The following STK32B variants were observed in gnomAD, a reference collection of about 807,000 sequenced individuals.
STK32B encodes the protein serine/threonine kinase 32B, also known as serine/threonine-protein kinase 32B.
In STK32B, 43 loss-of-function variants were observed where a neutral mutation model predicts 52.6. The observed-to-expected ratio is 0.82, with a 90% CI of 0.64 to 1.05. STK32B has a LOEUF of 1.05. Ranked by LOEUF, STK32B falls within the 50% of genes least tolerant of loss-of-function variation. The pLI is 0.00. For missense variants in STK32B, 621 were observed against 534.6 expected (o/e 1.16, Z -1.59); for synonymous variants, 238 against 204.3 (o/e 1.17, Z -1.41).
intron 2 of STK32B, among the ~76,000 whole-genome samples, chr4:5,159,291 A>G (rs904131361): frequency 1.3e-5 from 2 of 151,910 alleles, no homozygotes; most frequent in African/African-American, 4.8e-5. Context: ...CACACTCTTT[A>G]AGGGACTACG....
chr4:5,088,137 G>T (rs983029789), intron 1 of STK32B, among the ~76,000 whole-genome samples: 11 of 151,918 alleles, frequency 7.2e-5, no homozygotes, highest in African/African-American at 2.7e-4. Context: ...AATAATAAAA[G>T]GAAAGCTGGA....
chr4:5,418,160 T>G (rs1712315914), intron 6 of STK32B, among the ~76,000 whole-genome samples: 1 of 152,262 alleles, frequency 6.6e-6, no homozygotes, highest in Non-Finnish European at 1.5e-5. Flanking sequence ...CCCATCACTG[T>G]GTCTTTTAAC....
intron 3 of STK32B, among the ~76,000 whole-genome samples, chr4:5,186,157 C>T (rs1176582072): frequency 6.6e-6 from 1 of 152,182 alleles, no homozygotes; most frequent in African/African-American, 2.4e-5. Flanking sequence ...GGCTCCTGTC[C>T]TCTTGGAGTT....
chr4:5,500,121 G>C lies in STK32B; in HGVS notation c.*1038G>C, dbSNP rs997858052. The C allele has an allele frequency of 5.3e-5, 8 of 152,206 alleles. No individual in the cohort carries two copies. Among genetic ancestry groups the C allele is most frequent in the Non-Finnish European group, 1.0e-4 (7 of 68,040 alleles). The allele number at this position is 152,206 out of a possible 1,614,324, so 9.4% of individuals were successfully genotyped here. ...AACTACATTCTGGTCTGCTCAGGGA[G>C]AAGCTTGCCTTTGAACTGGAAGATG... On this transcript the variant is annotated 3_prime_UTR_variant, in exon 12 of 12. Coordinates refer to ENST00000282908, the MANE Select transcript of STK32B (RefSeq NM_018401.3).
At position 5,317,181 on chromosome 4, in the gene STK32B, T is replaced by TATATATAACATATA. The variant is rs1560313099; in HGVS notation, c.261-14032_261-14031insACATATAATATATA. 7.1e-4 allele frequency among the ~76,000 whole-genome samples: 33 copies of TATATATAACATATA among 46,334 alleles called. 5 individuals are homozygous for TATATATAACATATA. Among genetic ancestry groups the TATATATAACATATA allele is most frequent in the African/African-American group, 7.0e-3 (28 of 3,996 alleles). The allele number at this position is 46,334 out of a possible 152,430, so 30.4% of individuals were successfully genotyped here. On this transcript the variant is annotated intron_variant, in intron 3 of 11. Transcript: ENST00000282908. ...TATTACATATATATAACATATAATA[T>TATATATAACATATA]ATATATATAACATATATATATTATA... is the stretch of plus-strand genomic sequence containing the variant.
intron 2 of STK32B, among the ~76,000 whole-genome samples, chr4:5,167,468 G>A (rs1323559509): frequency 2.0e-5 from 3 of 152,070 alleles, no homozygotes; most frequent in Admixed American, 6.5e-5. Context: ...TGCTCCCCCA[G>A]AACCCATGTG....
chr4:5,317,331 CATATATAATACAT>C (rs1483181380), intron 3 of STK32B, among the ~76,000 whole-genome samples: 10 of 17,122 alleles, frequency 5.8e-4, no homozygotes, highest in Non-Finnish European at 7.6e-4. Context: ...ATATATATTA[CATATATAATACAT>C]ATATATAATA....
At chr4:5,285,785 T>C (rs182871849) in intron 3 of STK32B, among the ~76,000 whole-genome samples, 2 of 152,198 alleles carry the variant, frequency 1.3e-5, no homozygotes, top group Non-Finnish European at 2.9e-5. Flanking sequence ...GAAATACAAC[T>C]CTGCATGAAA....
At chr4:5,179,528 C>T (rs538062226) in intron 3 of STK32B, among the ~76,000 whole-genome samples, 1 of 152,068 alleles carries the variant, frequency 6.6e-6, no homozygotes, top group South Asian at 2.1e-4. Context: ...ATAGATGATA[C>T]ATAAATGATA....
chr4:5,438,254 T>G lies in STK32B; in HGVS notation c.563-8419T>G, dbSNP rs116204291. ...TGCAGGGAAGGAAGTCCCTGTAGGC[T>G]GAAGCCCAGCTTCGGGCTCAGTGGT... On this transcript the variant is annotated intron_variant, in intron 6 of 11. Coordinates refer to ENST00000282908, the MANE Select transcript of STK32B (RefSeq NM_018401.3). Among the ~76,000 whole-genome samples the G allele has an allele frequency of 6.0e-3, 910 of 152,346 alleles. 6 individuals carry two copies. The highest frequency in any genetic ancestry group is 0.021 in the African/African-American group (881 of 41,578).
At chr4:5,025,173 G>C in the STK32B span, among the ~76,000 whole-genome samples, 2 of 152,214 alleles carry the variant, frequency 1.3e-5, no homozygotes, top group East Asian at 1.9e-4. Flanking sequence ...TTCTACTCGG[G>C]GCTGTTTCCC....
intron 6 of STK32B, among the ~76,000 whole-genome samples, chr4:5,431,499 T>C (rs1204813455): frequency 1.8e-5 from 2 of 112,970 alleles, no homozygotes; most frequent in East Asian, 7.1e-4. Context: ...CCATGAAAAC[T>C]TCCAAAAGTC....
At chr4:5,336,583 A>T (rs1447678531) in intron 4 of STK32B, among the ~76,000 whole-genome samples, 1 of 152,228 alleles carries the variant, frequency 6.6e-6, no homozygotes, top group East Asian at 1.9e-4. Context: ...TGGAATAAAC[A>T]TCAGTGCTCT....
At chr4:5,171,078 T>A (rs1193493221) in intron 3 of STK32B, among the ~76,000 whole-genome samples, 4 of 152,240 alleles carry the variant, frequency 2.6e-5, no homozygotes, top group Non-Finnish European at 5.9e-5. Context: ...CATTTTTTCA[T>A]GTGTTTTTTG....
At chr4:5,138,344 C>A (rs1716202065) in intron 1 of STK32B, among the ~76,000 whole-genome samples, 1 of 152,170 alleles carries the variant, frequency 6.6e-6, no homozygotes, top group Admixed American at 6.5e-5. Flanking sequence ...TTTACTTCCT[C>A]ACATCCTTGC....
At chr4:5,289,568 C>T (rs987424622) in intron 3 of STK32B, among the ~76,000 whole-genome samples, 1 of 151,800 alleles carries the variant, frequency 6.6e-6, no homozygotes, top group Non-Finnish European at 1.5e-5. Context: ...AATGTGATAA[C>T]TCTTTACACC....
chr4:5,064,113 A>T (rs1178592533), intron 1 of STK32B, among the ~76,000 whole-genome samples: 2 of 151,704 alleles, frequency 1.3e-5, no homozygotes, highest in African/African-American at 2.4e-5. Flanking sequence ...CAAGCCTTTT[A>T]TGATATCTGT....
chr4:5,142,108 GA>G (rs1716511973), intron 2 of STK32B, among the ~76,000 whole-genome samples: 1 of 152,208 alleles, frequency 6.6e-6, no homozygotes, highest in Admixed American at 6.5e-5. Flanking sequence ...GGTGGGCACA[GA>G]AAAGTGCCCT....
chr4:5,226,053 G>T (rs551368891), intron 3 of STK32B, among the ~76,000 whole-genome samples: 1 of 152,224 alleles, frequency 6.6e-6, no homozygotes, highest in East Asian at 1.9e-4. Context: ...TCTTAACATT[G>T]TTACAAAATG....
Sources: allele counts gnomAD v4.1 joint callset (sites outside exome capture counted in the v4.1 genomes callset), GRCh38; gene constraint gnomAD v4.1.1; transcripts MANE v1.5; gene names NCBI Gene and HGNC (gene_info 2026-07-23, HGNC 2026-07-21).